The following CSMD3 variants were observed in gnomAD, a reference collection of about 807,000 sequenced individuals.
CSMD3 encodes the protein CUB and Sushi multiple domains 3, also known as CUB and sushi domain-containing protein 3.
In CSMD3, 177 loss-of-function variants were observed where a neutral mutation model predicts 435.2. The ratio of observed to expected loss-of-function variants is 0.41; its 90% CI spans 0.36 to 0.46. The LOEUF is 0.46. CSMD3 is among the 20% of genes least tolerant of loss of function. The pLI is 0.34. For missense variants in CSMD3, 4,265 were observed against 4,504.6 expected (o/e 0.95, Z 1.52); for synonymous variants, 1,656 against 1,520.5 (o/e 1.09, Z -2.07).
intron 38 of CSMD3, among the ~76,000 whole-genome samples, chr8:112,353,682 T>C (rs1424675898): frequency 6.6e-6 from 1 of 152,028 alleles, no homozygotes; most frequent in East Asian, 1.9e-4. Flanking sequence ...AACAGACCAC[T>C]GAGTTCTAAA....
chr8:113,050,139 TA>T (rs1388415661), intron 5 of CSMD3, among the ~76,000 whole-genome samples: 19 of 152,170 alleles, frequency 1.2e-4, no homozygotes, highest in Admixed American at 1.1e-3. Flanking sequence ...TTTCTAAAGT[TA>T]AAAAAAGTTT....
chr8:112,292,964 A>G (rs542893344), intron 54 of CSMD3, among the ~76,000 whole-genome samples: 73 of 152,156 alleles, frequency 4.8e-4, no homozygotes, highest in Non-Finnish European at 8.8e-4. Flanking sequence ...CAAGTGGTAC[A>G]TAGATATTTA....
intron 13 of CSMD3, among the ~76,000 whole-genome samples, chr8:112,718,498 T>C (rs979297514): frequency 7.4e-5 from 11 of 149,424 alleles, no homozygotes; most frequent in African/African-American, 2.7e-4. Flanking sequence ...CTAATGCCTA[T>C]GTGTGTGTAT....
chr8:112,532,707 C>T (rs191952434), intron 27 of CSMD3, among the ~76,000 whole-genome samples: 93 of 151,354 alleles, frequency 6.1e-4, no homozygotes, highest in African/African-American at 2.1e-3. Context: ...AGAGTCCTTC[C>T]ATCTGAAAAA....
At chr8:112,680,527 A>G (rs554288425) in intron 16 of CSMD3, among the ~76,000 whole-genome samples, 1 of 152,334 alleles carries the variant, frequency 6.6e-6, no homozygotes, top group East Asian at 1.9e-4. Flanking sequence ...TTTTTACTTT[A>G]GTCCATTATT....
At chr8:112,590,728 A>T (rs1163695000) in intron 22 of CSMD3, among the ~76,000 whole-genome samples, 12 of 151,922 alleles carry the variant, frequency 7.9e-5, no homozygotes, top group East Asian at 5.8e-4. Flanking sequence ...CATTTATAAA[A>T]TTTTTTGAGA....
intron 1 of CSMD3, chr8:113,376,649 G>C: frequency 6.9e-7 from 1 of 1,446,994 alleles, no homozygotes; most frequent in East Asian, 2.3e-5. Flanking sequence ...TCCAGACCTG[G>C]CCAGGCAGGA....
intron 13 of CSMD3, among the ~76,000 whole-genome samples, chr8:112,748,548 G>A (rs1240793942): frequency 6.6e-6 from 1 of 151,864 alleles, no homozygotes; most frequent in South Asian, 2.1e-4. Context: ...GTGCTCTTTA[G>A]TTCTTATTAT....
chr8:112,638,613 T>C, intron 21 of CSMD3, 83 bp downstream of exon 21: 1 of 833,058 alleles, frequency 1.2e-6, no homozygotes, highest in South Asian at 1.4e-5. Flanking sequence ...TTTTCACTGT[T>C]TTATCATCAG....
chr8:112,709,580 G>GA (rs1489848381), intron 13 of CSMD3, among the ~76,000 whole-genome samples: 1 of 151,972 alleles, frequency 6.6e-6, no homozygotes, highest in Non-Finnish European at 1.5e-5. Flanking sequence ...AATTGAGAAA[G>GA]AAAAGAGTTT....
At chr8:113,188,773 C>T (rs1405934435) in intron 3 of CSMD3, among the ~76,000 whole-genome samples, 2 of 151,852 alleles carry the variant, frequency 1.3e-5, no homozygotes, top group African/African-American at 2.4e-5. Context: ...CCTATCTCTG[C>T]CATTTACCAT....
chr8:113,012,483 T>C (rs776216714), intron 6 of CSMD3, among the ~76,000 whole-genome samples: 9 of 151,966 alleles, frequency 5.9e-5, no homozygotes, highest in Non-Finnish European at 1.3e-4. Context: ...AATCCCGATA[T>C]GTTAAGAGAG....
chr8:112,897,159 G>A (rs1223794673), intron 10 of CSMD3, among the ~76,000 whole-genome samples: 5 of 151,252 alleles, frequency 3.3e-5, no homozygotes, highest in Non-Finnish European at 7.4e-5. Flanking sequence ...AGAGCCAAAC[G>A]CTGCTGCTCC....
intron 50 of CSMD3, among the ~76,000 whole-genome samples, chr8:112,307,457 T>A (rs562329441): frequency 6.6e-6 from 1 of 152,024 alleles, no homozygotes; most frequent in Non-Finnish European, 1.5e-5. Context: ...AATATTTGTA[T>A]TTTTTTGTAG....
intron 10 of CSMD3, among the ~76,000 whole-genome samples, chr8:112,898,610 A>C (rs2082017673): frequency 6.6e-6 from 1 of 151,274 alleles, no homozygotes; most frequent in Admixed American, 6.6e-5. Context: ...CATAGTAAAC[A>C]AATTTGACAT....
intron 32 of CSMD3, among the ~76,000 whole-genome samples, chr8:112,409,269 T>A (rs971476774): frequency 6.6e-6 from 1 of 152,048 alleles, no homozygotes. Context: ...ACAACAATTC[T>A]TAAAAATATA....
intron 11 of CSMD3, among the ~76,000 whole-genome samples, chr8:112,832,626 A>G (rs1433733829): frequency 6.6e-6 from 1 of 152,132 alleles, no homozygotes; most frequent in African/African-American, 2.4e-5. Context: ...TACAACCACA[A>G]TAATTGAATT....
chr8:113,115,304 G>T (rs1051113431), intron 4 of CSMD3, among the ~76,000 whole-genome samples: 5 of 152,172 alleles, frequency 3.3e-5, no homozygotes, highest in African/African-American at 1.2e-4. Context: ...ATTTGATAAT[G>T]TTTTAAATTA....
At chr8:112,419,583 C>G (rs1812266065) in intron 32 of CSMD3, among the ~76,000 whole-genome samples, 1 of 152,008 alleles carries the variant, frequency 6.6e-6, no homozygotes, top group Admixed American at 6.6e-5. Context: ...TTTTGTCAAC[C>G]CATAAACTAG....
Sources: gnomAD v4.1 joint callset for allele counts (sites outside exome capture counted in the v4.1 genomes callset) on GRCh38, gnomAD v4.1.1 for gene constraint, MANE v1.5 for transcripts, NCBI Gene and HGNC (gene_info 2026-07-23, HGNC 2026-07-21) for gene names.